GRID2: variants seen among roughly 807,000 people sequenced by gnomAD.
GRID2 encodes the protein glutamate receptor ionotropic, delta-2.
In GRID2, 33 loss-of-function variants were observed where a neutral mutation model predicts 114.8. The observed-to-expected ratio is 0.29, with a 90% CI of 0.22 to 0.38. The LOEUF (loss-of-function observed/expected upper bound fraction) is 0.38. GRID2 is among the 10% of genes least tolerant of loss of function. GRID2 has a pLI of 1.00. For synonymous variants in GRID2, 505 were observed against 449.9 expected, an observed-to-expected ratio of 1.12 and a Z score of -1.55; for missense variants, 1,184 against 1,257.7, an observed-to-expected ratio of 0.94 and a Z score of 0.89.
At chr4:93,269,486 G>A (rs1434298448) in intron 8 of GRID2, among the ~76,000 whole-genome samples, 1 of 152,156 alleles carries the variant, frequency 6.6e-6, no homozygotes, top group Non-Finnish European at 1.5e-5. Context: ...TCACTGAAGT[G>A]TCAAGACAAA....
At chr4:93,384,203 C>A (rs561059147) in intron 8 of GRID2, among the ~76,000 whole-genome samples, 1 of 152,190 alleles carries the variant, frequency 6.6e-6, no homozygotes, top group South Asian at 2.1e-4. Flanking sequence ...GAGGGAAGAA[C>A]CCTCGTGAAT....
intron 8 of GRID2, among the ~76,000 whole-genome samples, chr4:93,349,444 CTTTT>C (rs1760572920): frequency 6.6e-6 from 1 of 151,734 alleles, no homozygotes; most frequent in South Asian, 2.1e-4. Flanking sequence ...TTCTATATTT[CTTTT>C]TTCTCTCTCA....
chr4:93,403,012 T>A (rs531866629), intron 9 of GRID2, among the ~76,000 whole-genome samples: 1 of 152,092 alleles, frequency 6.6e-6, no homozygotes, highest in South Asian at 2.1e-4. Context: ...GGAGGCAAGG[T>A]TAGGGGTTGG....
chr4:93,656,178 GA>G (rs1331901251), intron 14 of GRID2, among the ~76,000 whole-genome samples: 7 of 151,278 alleles, frequency 4.6e-5, no homozygotes, highest in East Asian at 1.9e-4. Context: ...TTTTTTCTGA[GA>G]AAAAAATAAT....
At chr4:92,589,191 A>G (rs1259531156) in intron 1 of GRID2, among the ~76,000 whole-genome samples, 2 of 152,188 alleles carry the variant, frequency 1.3e-5, no homozygotes, top group Admixed American at 6.5e-5. Context: ...CACACTGTGT[A>G]TATAATGATA....
intron 1 of GRID2, among the ~76,000 whole-genome samples, chr4:93,781,794 G>A (rs1293157704): frequency 6.6e-6 from 1 of 152,128 alleles, no homozygotes; most frequent in African/African-American, 2.4e-5. Context: ...AGTACAGAGT[G>A]TTTTTCTGAA....
chr4:93,489,313 C>G (rs1726740987), intron 11 of GRID2, among the ~76,000 whole-genome samples: 2 of 151,772 alleles, frequency 1.3e-5, no homozygotes, highest in Admixed American at 1.3e-4. Context: ...AATGCAAGGG[C>G]CCTGGGACAT....
intron 4 of GRID2, among the ~76,000 whole-genome samples, chr4:93,203,299 C>G (rs1178663562): frequency 6.6e-6 from 1 of 152,116 alleles, no homozygotes; most frequent in African/African-American, 2.4e-5. Context: ...AATTAACTTT[C>G]TGTGTAGAAC....
chr4:93,026,571 T>A (rs891724053), intron 2 of GRID2, among the ~76,000 whole-genome samples: 12 of 151,928 alleles, frequency 7.9e-5, no homozygotes, highest in Non-Finnish European at 1.5e-5. Flanking sequence ...ATTTTCAGAT[T>A]TACTTTGATG....
chr4:92,764,321 G>A (rs1738157998), intron 2 of GRID2, among the ~76,000 whole-genome samples: 1 of 152,152 alleles, frequency 6.6e-6, no homozygotes, highest in Non-Finnish European at 1.5e-5. Context: ...ATTTAGGGAA[G>A]CATCCCAAAA....
chr4:93,213,909 T>A (rs534391732), intron 5 of GRID2, among the ~76,000 whole-genome samples: 1 of 152,250 alleles, frequency 6.6e-6, no homozygotes, highest in South Asian at 2.1e-4. Context: ...TGATTCTTAG[T>A]AGTTTTCAAG....
intron 14 of GRID2, among the ~76,000 whole-genome samples, chr4:93,647,855 A>G (rs1483028935): frequency 2.6e-5 from 4 of 152,176 alleles, no homozygotes; most frequent in Non-Finnish European, 5.9e-5. Context: ...CCACAATAAA[A>G]TAGCTATCAT....
intron 1 of GRID2, among the ~76,000 whole-genome samples, chr4:92,408,272 C>T (rs1416879881): frequency 6.6e-6 from 1 of 151,762 alleles, no homozygotes; most frequent in Non-Finnish European, 1.5e-5. Flanking sequence ...GGGTTTATTT[C>T]TAGATTCTCT....
chr4:92,931,612 A>G (rs371325158), intron 2 of GRID2, among the ~76,000 whole-genome samples: 5 of 150,602 alleles, frequency 3.3e-5, no homozygotes, highest in African/African-American at 1.2e-4. Flanking sequence ...CCAAGGCTAC[A>G]AGATAGAAGA....
At chr4:92,876,019 C>T (rs906121171) in intron 2 of GRID2, among the ~76,000 whole-genome samples, 3 of 152,024 alleles carry the variant, frequency 2.0e-5, no homozygotes, top group Non-Finnish European at 4.4e-5. Flanking sequence ...ATAGCATTCA[C>T]GGTCATACAG....
chr4:92,599,823 G>A lies in GRID2; in HGVS notation c.244+9537G>A, dbSNP rs566796161. The stretch of plus-strand genomic sequence containing the variant: ...AGATGGATCACGAGGTCAAGATATC[G>A]AGACCATTCTAGCCAACACGGTGAA... On this transcript the variant is annotated intron_variant, in intron 2 of 15. Transcript: ENST00000282020. 1.8e-4 allele frequency among the ~76,000 whole-genome samples: 28 copies of A among 151,674 alleles called. No individual in the cohort carries two copies. In the East Asian group the frequency reaches 4.9e-3, roughly 26 times the overall value.
intron 2 of GRID2, among the ~76,000 whole-genome samples, chr4:92,705,605 G>T (rs866062887): frequency 6.6e-6 from 1 of 152,146 alleles, no homozygotes; most frequent in South Asian, 2.1e-4. Context: ...AAAAGTCAAT[G>T]CCACTTTTAT....
chr4:93,666,380 A>G (rs1366344059), intron 14 of GRID2, among the ~76,000 whole-genome samples: 1 of 152,066 alleles, frequency 6.6e-6, no homozygotes, highest in African/African-American at 2.4e-5. Flanking sequence ...ATAATATTCT[A>G]TATGATAAAT....
At chr4:93,078,147 G>C (rs939483259) in intron 2 of GRID2, among the ~76,000 whole-genome samples, 2 of 152,028 alleles carry the variant, frequency 1.3e-5, no homozygotes, top group African/African-American at 2.4e-5. Flanking sequence ...CATTGTCTCT[G>C]TGTCACAGGA....
Sources: allele counts gnomAD v4.1 joint callset (sites outside exome capture counted in the v4.1 genomes callset), GRCh38; gene constraint gnomAD v4.1.1; transcripts MANE v1.5; gene names NCBI Gene and HGNC (gene_info 2026-07-23, HGNC 2026-07-21).